The following MYO16 variants were observed in gnomAD, a reference collection of about 807,000 sequenced individuals.
The protein encoded by MYO16 is myosin XVI.
MYO16 carries 94 observed loss-of-function variants against 205.3 expected under a neutral mutation model. The ratio of observed to expected loss-of-function variants is 0.46; its 90% CI spans 0.39 to 0.54. The LOEUF (loss-of-function observed/expected upper bound fraction) is 0.54. MYO16 is among the 20% of genes least tolerant of loss of function. The pLI, the probability that MYO16 is intolerant of heterozygous loss-of-function variation, is 0.00. For synonymous variants in MYO16, 988 were observed against 954.0 expected, an observed-to-expected ratio of 1.04 and a Z score of -0.66; for missense variants, 2,315 against 2,387.5, an observed-to-expected ratio of 0.97 and a Z score of 0.63.
intron 12 of MYO16, among the ~76,000 whole-genome samples, chr13:108,876,231 CAACA>C (rs1359884983): frequency 1.3e-5 from 2 of 152,038 alleles, no homozygotes; most frequent in African/African-American, 4.8e-5. Flanking sequence ...AAGCAGAATG[CAACA>C]GACAGTTGTG....
intron 1 of MYO16, among the ~76,000 whole-genome samples, chr13:108,664,518 T>C (rs1476975297): frequency 6.6e-6 from 1 of 152,196 alleles, no homozygotes; most frequent in Non-Finnish European, 1.5e-5. Flanking sequence ...GTGGAAATAG[T>C]GTTGTCATGA....
chr13:108,851,870 G>A (rs1374418420), intron 10 of MYO16, among the ~76,000 whole-genome samples: 1 of 152,006 alleles, frequency 6.6e-6, no homozygotes, highest in East Asian at 1.9e-4. Flanking sequence ...CTAATTCCTG[G>A]AATGTAGCAG....
the MYO16 span, among the ~76,000 whole-genome samples, chr13:108,543,410 C>T: frequency 5.3e-5 from 8 of 152,068 alleles, no homozygotes; most frequent in East Asian, 1.9e-4. Flanking sequence ...TTTGGAAGGC[C>T]GAGGCGGATG....
At chr13:109,144,099 CT>C (rs1877223013) in intron 32 of MYO16, among the ~76,000 whole-genome samples, 1 of 150,832 alleles carries the variant, frequency 6.6e-6, no homozygotes, top group Non-Finnish European at 1.5e-5. Flanking sequence ...ACTGCAGCCT[CT>C]GCCTTCCAAG....
chr13:108,844,920 G>C (rs1216687367), intron 10 of MYO16, among the ~76,000 whole-genome samples: 1 of 152,028 alleles, frequency 6.6e-6, no homozygotes, highest in African/African-American at 2.4e-5. Context: ...ATGTGTATCT[G>C]TACGTGTCTG....
chr13:109,103,394 T>C (rs1236271960), intron 28 of MYO16, among the ~76,000 whole-genome samples: 1 of 152,212 alleles, frequency 6.6e-6, no homozygotes, highest in African/African-American at 2.4e-5. Context: ...TTATAATGTG[T>C]GTTTTCATTA....
the MYO16 span, among the ~76,000 whole-genome samples, chr13:108,528,953 G>A: frequency 2.0e-5 from 3 of 151,796 alleles, no homozygotes; most frequent in Non-Finnish European, 2.9e-5. Context: ...GTGACGACTC[G>A]ATGGCAACAT....
intron 4 of MYO16, among the ~76,000 whole-genome samples, chr13:108,751,442 A>G (rs1885235569): frequency 6.6e-6 from 1 of 152,218 alleles, no homozygotes; most frequent in South Asian, 2.1e-4. Context: ...ATATTAATCC[A>G]TAAATAATAT....
chr13:108,518,979 G>A, the MYO16 span, among the ~76,000 whole-genome samples: 1 of 152,208 alleles, frequency 6.6e-6, no homozygotes, highest in South Asian at 2.1e-4. Flanking sequence ...ATTTAGTAAT[G>A]TGATCTCAGA....
At chr13:109,014,661 T>A (rs372591170) in intron 22 of MYO16, among the ~76,000 whole-genome samples, 90 of 152,298 alleles carry the variant, frequency 5.9e-4, no homozygotes, top group Middle Eastern at 3.4e-3. Context: ...GGTTTGTAGT[T>A]CTCCTTGAAG....
the MYO16 span, among the ~76,000 whole-genome samples, chr13:108,556,337 A>T: frequency 6.6e-6 from 1 of 152,170 alleles, no homozygotes; most frequent in African/African-American, 2.4e-5. Flanking sequence ...TTTAATGGGT[A>T]TGAGGTAATA....
intron 33 of MYO16, among the ~76,000 whole-genome samples, chr13:109,168,674 C>T (rs1022645329): frequency 6.6e-6 from 1 of 152,052 alleles, no homozygotes; most frequent in Admixed American, 6.5e-5. Flanking sequence ...GCAGTGAGCC[C>T]TGATCGCGCC....
At chr13:109,074,190 C>T in intron 27 of MYO16, among the ~76,000 whole-genome samples, 1 of 152,168 alleles carries the variant, frequency 6.6e-6, no homozygotes, top group Admixed American at 6.5e-5. Context: ...CATAAACATA[C>T]ACCCATGAGC....
chr13:109,185,096 G>A (rs1333854611), intron 34 of MYO16, among the ~76,000 whole-genome samples: 1 of 152,136 alleles, frequency 6.6e-6, no homozygotes, highest in Non-Finnish European at 1.5e-5. Context: ...AGAGGAAAAA[G>A]TCTTGTGATA....
chr13:108,507,760 C>T, the MYO16 span, among the ~76,000 whole-genome samples: 3 of 152,044 alleles, frequency 2.0e-5, no homozygotes, highest in South Asian at 2.1e-4. Flanking sequence ...ATATGTTGGC[C>T]CAGTCAGTGA....
the MYO16 span, among the ~76,000 whole-genome samples, chr13:108,540,026 A>G: frequency 6.6e-6 from 1 of 152,234 alleles, no homozygotes; most frequent in South Asian, 2.1e-4. Context: ...CACTAAAATT[A>G]AAAGTAATAA....
At chr13:108,643,287 C>G (rs568075910) in intron 1 of MYO16, among the ~76,000 whole-genome samples, 1 of 152,290 alleles carries the variant, frequency 6.6e-6, no homozygotes, top group East Asian at 1.9e-4. Flanking sequence ...TTTTAAAATT[C>G]AACATCATGC....
In MYO16 at chr13:108,950,160, CAT is replaced by C. The variant is rs1207169412; in HGVS notation, c.1926-7526_1926-7525del. 3.3e-5 allele frequency among the ~76,000 whole-genome samples: 5 copies of C among 152,126 alleles called. No individual in the cohort carries two copies. The South Asian group carries it at 1.0e-3, about 31-fold the overall frequency. ...AAGAACTTAAGCTTGACATCAAAAT[CAT>C]AATCCACATTAGGAAAAATTGATAA... On this transcript the variant is annotated intron_variant, in intron 16 of 34. Coordinates refer to ENST00000457511, the MANE Select transcript of MYO16 (RefSeq NM_001198950.3).
chr13:108,751,061 TCACACACACACACA>T (rs35604385), intron 4 of MYO16, among the ~76,000 whole-genome samples: 1 of 149,856 alleles, frequency 6.7e-6, no homozygotes, highest in Non-Finnish European at 1.5e-5. Context: ...ATATGTGTGT[TCACACACACACACA>T]CACACACACA....
Sources: allele counts gnomAD v4.1 joint callset (sites outside exome capture counted in the v4.1 genomes callset), GRCh38; gene constraint gnomAD v4.1.1; transcripts MANE v1.5; gene names NCBI Gene and HGNC (gene_info 2026-07-23, HGNC 2026-07-21).